Variants in ROBO1 observed in about 807,000 individuals in gnomAD.
The protein encoded by ROBO1 is roundabout guidance receptor 1, also known as roundabout homolog 1.
ROBO1 carries 149 observed loss-of-function variants against 195.9 expected under a neutral mutation model. The ratio of observed to expected loss-of-function variants is 0.76; its 90% CI spans 0.67 to 0.87. The LOEUF (loss-of-function observed/expected upper bound fraction) is 0.87. ROBO1 is among the 40% of genes least tolerant of loss of function. ROBO1 has a pLI of 0.00. For synonymous variants in ROBO1, 816 were observed against 733.2 expected (o/e 1.11, Z -1.82); for missense variants, 1,933 against 2,068.3 (o/e 0.93, Z 1.27).
At chr3:78,834,320 T>C (rs189398785) in intron 4 of ROBO1, among the ~76,000 whole-genome samples, 1 of 151,770 alleles carries the variant, frequency 6.6e-6, no homozygotes, top group Admixed American at 6.6e-5. Flanking sequence ...GAGGAAGTTA[T>C]TTTGGTGGGA....
intron 2 of ROBO1, among the ~76,000 whole-genome samples, chr3:79,588,432 A>T (rs1357973064): frequency 6.6e-6 from 1 of 151,644 alleles, no homozygotes; most frequent in East Asian, 1.9e-4. Context: ...TGTATCATGG[A>T]CTAAATTTGT....
intron 1 of ROBO1, among the ~76,000 whole-genome samples, chr3:79,710,915 A>T (rs1227213496): frequency 2.6e-5 from 4 of 152,120 alleles, no homozygotes; most frequent in Non-Finnish European, 5.9e-5. Flanking sequence ...AAGTTGGTGA[A>T]GCCAGGCCCA....
At chr3:79,396,483 T>C (rs2037159715) in intron 2 of ROBO1, among the ~76,000 whole-genome samples, 1 of 152,028 alleles carries the variant, frequency 6.6e-6, no homozygotes, top group African/African-American at 2.4e-5. Context: ...TAAAAAAAAG[T>C]ACCTTCGTCT....
intron 1 of ROBO1, among the ~76,000 whole-genome samples, chr3:79,671,494 G>A (rs79586648): frequency 0.032 from 4,923 of 151,918 alleles, 110 homozygotes; most frequent in Middle Eastern, 0.068. Context: ...AAATTCAACA[G>A]TACATTCTTG....
At chr3:79,293,950 C>T (rs573605010) in intron 2 of ROBO1, among the ~76,000 whole-genome samples, 28 of 140,882 alleles carry the variant, frequency 2.0e-4, no homozygotes, top group Non-Finnish European at 4.3e-4. Context: ...CCCAGCTACT[C>T]GGGAGGCTGA....
At chr3:79,285,158 AG>A in intron 2 of ROBO1, among the ~76,000 whole-genome samples, 1 of 152,204 alleles carries the variant, frequency 6.6e-6, no homozygotes, top group African/African-American at 2.4e-5. Flanking sequence ...CATTTATTCA[AG>A]AGTTTATATA....
intron 29 of ROBO1, among the ~76,000 whole-genome samples, chr3:78,606,367 C>G (rs994363814): frequency 6.6e-6 from 1 of 152,162 alleles, no homozygotes; most frequent in Non-Finnish European, 1.5e-5. Context: ...AAGATGGTCT[C>G]TGGCCCCAAA....
At chr3:78,703,828 T>C (rs1013588239) in intron 8 of ROBO1, among the ~76,000 whole-genome samples, 9 of 151,814 alleles carry the variant, frequency 5.9e-5, no homozygotes, top group African/African-American at 1.2e-4. Context: ...CACACACATA[T>C]ATATATATAA....
chr3:79,371,595 A>C (rs1295458115), intron 2 of ROBO1, among the ~76,000 whole-genome samples: 1 of 149,126 alleles, frequency 6.7e-6, no homozygotes, highest in Non-Finnish European at 1.5e-5. Flanking sequence ...GTAAACATGC[A>C]AAAAAAAATG....
chr3:78,659,880 A>T, intron 16 of ROBO1, 73 bp from the exon 17 acceptor site: 1 of 1,213,850 alleles, frequency 8.2e-7, no homozygotes. Context: ...TTAATATCAA[A>T]CCCAATAATA....
intron 2 of ROBO1, among the ~76,000 whole-genome samples, chr3:79,381,804 T>G (rs2109376902): frequency 6.6e-6 from 1 of 152,200 alleles, no homozygotes; most frequent in African/African-American, 2.4e-5. Flanking sequence ...TATATATATA[T>G]AATTATAGTA....
intron 2 of ROBO1, among the ~76,000 whole-genome samples, chr3:79,463,137 G>A (rs1937741209): frequency 6.6e-6 from 1 of 152,158 alleles, no homozygotes. Context: ...ACTTTGGGAA[G>A]CTGAGGTGGG....
chr3:79,160,013 AAGAT>A (rs1288039539), intron 2 of ROBO1, among the ~76,000 whole-genome samples: 1 of 152,078 alleles, frequency 6.6e-6, no homozygotes. Flanking sequence ...AACAGATAGA[AAGAT>A]AGAGATGTCC....
chr3:79,055,408 G>A (rs2078786856), intron 3 of ROBO1, among the ~76,000 whole-genome samples: 1 of 152,082 alleles, frequency 6.6e-6, no homozygotes, highest in Non-Finnish European at 1.5e-5. Context: ...TTTGAGGGCT[G>A]ATGTTTCTAT....
intron 4 of ROBO1, among the ~76,000 whole-genome samples, chr3:78,773,720 T>A (rs2083435748): frequency 6.6e-6 from 1 of 152,206 alleles, no homozygotes; most frequent in South Asian, 2.1e-4. Context: ...AAACTCATCC[T>A]TTTTCATTGA....
intron 4 of ROBO1, among the ~76,000 whole-genome samples, chr3:78,761,385 C>G (rs944755044): frequency 6.6e-6 from 1 of 152,016 alleles, no homozygotes; most frequent in Admixed American, 6.6e-5. Flanking sequence ...AAAAAATAAA[C>G]TAATGTATAA....
At chr3:79,388,139 T>C (rs1171016001) in intron 2 of ROBO1, among the ~76,000 whole-genome samples, 1 of 152,152 alleles carries the variant, frequency 6.6e-6, no homozygotes, top group Non-Finnish European at 1.5e-5. Context: ...CAATCTCTTT[T>C]CACAAAATAT....
rs1401156214 is a variant in ROBO1 at position 79,120,879 on chromosome 3, A to C, written c.172+4577T>G. ...ACTCTCACTATTAATTTAACAAATA[A>C]AGTGACAGTAAGATAATGGGAAAAA... is the stretch of plus-strand genomic sequence containing the variant. On this transcript the variant is annotated intron_variant, in intron 3 of 30. Transcript: ENST00000464233. Among the ~76,000 whole-genome samples, 5 of 152,178 alleles carry C rather than the reference A, an allele frequency of 3.3e-5. No individual in the cohort carries two copies. The East Asian group carries it at 9.6e-4, about 29-fold the overall frequency.
intron 1 of ROBO1, among the ~76,000 whole-genome samples, chr3:79,712,458 G>A (rs1576268821): frequency 6.6e-6 from 1 of 152,098 alleles, no homozygotes; most frequent in African/African-American, 2.4e-5. Context: ...CCAATTCTAT[G>A]AAGTCTGAGA....
Sources: allele counts gnomAD v4.1 joint callset (sites outside exome capture counted in the v4.1 genomes callset), GRCh38; gene constraint gnomAD v4.1.1; transcripts MANE v1.5; gene names NCBI Gene and HGNC (gene_info 2026-07-23, HGNC 2026-07-21).